The following SF3B1 variants were observed in gnomAD, a reference collection of about 807,000 sequenced individuals.
The protein encoded by SF3B1 is pre-mRNA processing 10.
SF3B1 carries 12 observed loss-of-function variants against 153.8 expected under a neutral mutation model. That is an observed-to-expected ratio of 0.08 (90% CI 0.05 to 0.13). The LOEUF is 0.13. Among genes scored for constraint, SF3B1 ranks in the 10% least tolerant of loss-of-function variants. The probability of loss-of-function intolerance (pLI) is 1.00; values close to 1 mark genes in which losing one functional copy is unlikely to be tolerated. For synonymous variants in SF3B1, 498 were observed against 525.2 expected (o/e 0.95, Z 0.71); for missense variants, 513 against 1,606.1 (o/e 0.32, Z 11.63).
intron 7 of SF3B1, 96 bp downstream of exon 7, chr2:197,409,674 T>A: frequency 1.1e-6 from 1 of 951,890 alleles, no homozygotes; most frequent in Non-Finnish European, 1.7e-6. Flanking sequence ...AGCTGGTTAT[T>A]TATACGTGTC....
Position 197,402,517 on chromosome 2 carries a change from A to C in SF3B1, c.2077+39T>G. 7 of 1,575,278 alleles carry C rather than the reference A, an allele frequency of 4.4e-6. No individual in the cohort carries two copies. Among genetic ancestry groups the C allele is most frequent in the Non-Finnish European group, 6.1e-6 (7 of 1,154,860 alleles). On this transcript the variant is annotated intron_variant, in intron 14 of 24. Coordinates refer to ENST00000335508, the MANE Select transcript of SF3B1 (RefSeq NM_012433.4). The surrounding 1 kb of genome is among the most constrained non-coding windows in gnomAD (Gnocchi z 4.6). The stretch of plus-strand genomic sequence containing the variant: ...CAACATAGTAAGACCCTGTCTCCTA[A>C]AGAAAAAAAAAAAAAGACAAAGTTA...
chr2:197,431,023 CAGA>C (rs1297941121), intron 1 of SF3B1, among the ~76,000 whole-genome samples: 2 of 151,616 alleles, frequency 1.3e-5, no homozygotes, highest in African/African-American at 4.8e-5. Flanking sequence ...TCACTGATAG[CAGA>C]AGGTCACATC....
chr2:197,416,370 G>A (rs1020738001), intron 6 of SF3B1, among the ~76,000 whole-genome samples: 15 of 152,236 alleles, frequency 9.9e-5, no homozygotes, highest in Middle Eastern at 3.4e-3. Context: ...GTATGTTGAA[G>A]TCCTAACCCC....
chr2:197,422,394 C>T (rs777403054), intron 2 of SF3B1, among the ~76,000 whole-genome samples: 3 of 140,046 alleles, frequency 2.1e-5, no homozygotes, highest in Non-Finnish European at 3.1e-5. Context: ...CATCACACAC[C>T]GGGGCTTGTC....
intron 23 of SF3B1, among the ~76,000 whole-genome samples, chr2:197,393,989 G>A (rs1392616053): frequency 2.0e-5 from 3 of 152,000 alleles, no homozygotes; most frequent in African/African-American, 7.2e-5. Flanking sequence ...GTCAAGACCA[G>A]CCTGGCCAGC....
rs554834439 is a variant in SF3B1, at chr2:197,401,222, C to T, written c.2496+178G>A. On this transcript the variant is annotated intron_variant, in intron 17 of 24. Coordinates refer to ENST00000335508, the MANE Select transcript of SF3B1 (RefSeq NM_012433.4). This position sits in a 1 kb window ranked among gnomAD's most constrained non-coding sequence, Gnocchi z 4.2. ...CAATTCACAGTTAAGTATTAATCCT[C>T]GAATCCAAAATCAAAATGGAAGTTA... 2.0e-5 allele frequency among the ~76,000 whole-genome samples: 3 copies of T among 152,202 alleles called. No individual in the cohort carries two copies. Among genetic ancestry groups the T allele is most frequent in the South Asian group, 4.1e-4 (2 of 4,820 alleles).
chr2:197,407,103 CAACAAAAAACATACTCATG>C (rs2085003475), intron 9 of SF3B1, among the ~76,000 whole-genome samples: 1 of 151,852 alleles, frequency 6.6e-6, no homozygotes, highest in South Asian at 2.1e-4. Context: ...CAAAACAAAA[CAACAAAAAACATACTCATG>C]AACTGTTAAA....
chr2:197,415,384 C>G (rs760514864), intron 6 of SF3B1, among the ~76,000 whole-genome samples: 22 of 151,946 alleles, frequency 1.4e-4, no homozygotes, highest in Non-Finnish European at 2.5e-4. Context: ...TCCCAAGTAG[C>G]TGGTACTACA....
At chr2:197,423,765 T>C in intron 2 of SF3B1, 43 bp downstream of exon 2, 1 of 1,586,786 alleles carries the variant, frequency 6.3e-7, no homozygotes, top group Non-Finnish European at 8.6e-7. Context: ...TTTCTTGCTC[T>C]CTCAAAAAAA....
In SF3B1 at chr2:197,402,250, CAA is replaced by C; in HGVS notation, c.2078-122_2078-121del. ...AACTGCAGAATATGTTCACATTAAA[CAA>C]AATTAGGTAAAAGCAAAACATGAAC... On this transcript the variant is annotated intron_variant, in intron 14 of 24. Transcript: ENST00000335508. This position sits in a 1 kb window ranked among gnomAD's most constrained non-coding sequence, Gnocchi z 4.6. 1 of 1,232,010 alleles carries C rather than the reference CAA, an allele frequency of 8.1e-7. No homozygotes were observed. Among genetic ancestry groups the C allele is most frequent in the Non-Finnish European group, 1.1e-6 (1 of 897,842 alleles). The allele number at this position is 1,232,010 out of a possible 1,614,324, so 76.3% of individuals were successfully genotyped here. A position where few individuals can be genotyped will look rare whatever the true frequency, so the allele number is the denominator to read the frequency against.
Position 197,434,709 on chromosome 2 carries a change from A to G in SF3B1, c.28+263T>C, listed in dbSNP as rs189196047. Reference sequence around the variant, plus strand: ...TCCTACTGAGGAAGCCGCTTAAACGAGGCCCTCTGGTCAGAGAAGAGAAGC... The same window carrying G: ...TCCTACTGAGGAAGCCGCTTAAACGGGGCCCTCTGGTCAGAGAAGAGAAGC... On this transcript the variant is annotated intron_variant, in intron 1 of 24. Coordinates refer to ENST00000335508, the MANE Select transcript of SF3B1 (RefSeq NM_012433.4). 4.6e-3 allele frequency among the ~76,000 whole-genome samples: 696 copies of G among 152,272 alleles called. 3 individuals carry two copies. Among genetic ancestry groups the G allele is most frequent in the Non-Finnish European group, 7.8e-3 (533 of 68,024 alleles).
chr2:197,428,621 C>T lies in SF3B1; in HGVS notation c.29-4647G>A, dbSNP rs533075355. 2.6e-5 allele frequency among the ~76,000 whole-genome samples: 4 copies of T among 152,190 alleles called. No homozygotes were observed. In the South Asian group the frequency reaches 8.3e-4, roughly 32 times the overall value. ...AAACTGCTTGGCAACTGGCTGAGCG[C>T]GGTGGCTCACGCCTGTAATCCCAGC... On this transcript the variant is annotated intron_variant, in intron 1 of 24. Coordinates refer to ENST00000335508, the MANE Select transcript of SF3B1 (RefSeq NM_012433.4).
intron 1 of SF3B1, among the ~76,000 whole-genome samples, chr2:197,430,837 G>A (rs1294185467): frequency 2.0e-5 from 3 of 152,054 alleles, no homozygotes; most frequent in Admixed American, 6.6e-5. Flanking sequence ...CTGCTCTGTT[G>A]CCCAGGCTGG....
At chr2:197,412,043 G>C (rs151190274) in intron 6 of SF3B1, among the ~76,000 whole-genome samples, 1 of 151,322 alleles carries the variant, frequency 6.6e-6, no homozygotes, top group African/African-American at 2.4e-5. Flanking sequence ...CCAGGAGGCG[G>C]AGGTTGCAAC....
intron 6 of SF3B1, among the ~76,000 whole-genome samples, chr2:197,416,133 T>TAA (rs200550226): frequency 2.1e-5 from 3 of 139,610 alleles, no homozygotes; most frequent in Admixed American, 7.1e-5. Flanking sequence ...AACAAATGTT[T>TAA]AAAAAAAAAA....
At position 197,411,369 on chromosome 2, in the gene SF3B1, T is replaced by A. The variant is rs113679694; in HGVS notation, c.667-1362A>T. Among the ~76,000 whole-genome samples the A allele has an allele frequency of 2.6e-4, 40 of 152,266 alleles. 2 individuals are homozygous for A. Among genetic ancestry groups the A allele is most frequent in the African/African-American group, 9.4e-4 (39 of 41,546 alleles). On this transcript the variant is annotated intron_variant, in intron 6 of 24. Transcript: ENST00000335508. Reference sequence around the variant, plus strand: ...AGGATGTGTAATGTACTTTATATATTTGTTTTAAAGTTGGGAGCTCTTGGC... The same window carrying A: ...AGGATGTGTAATGTACTTTATATATATGTTTTAAAGTTGGGAGCTCTTGGC...
intron 23 of SF3B1, among the ~76,000 whole-genome samples, chr2:197,395,316 T>C (rs1463921640): frequency 6.6e-6 from 1 of 152,212 alleles, no homozygotes; most frequent in Non-Finnish European, 1.5e-5. Flanking sequence ...ATATACGTTC[T>C]GGTAACTTGT....
chr2:197,403,225 T>C (rs765944052), intron 12 of SF3B1, among the ~76,000 whole-genome samples, 190 bp from the exon 13 acceptor site: 14 of 152,204 alleles, frequency 9.2e-5, no homozygotes, highest in Non-Finnish European at 8.8e-5. Flanking sequence ...AGAGAGCTAT[T>C]AGTGACACAC....
At chr2:197,423,176 C>T (rs2085275808) in intron 2 of SF3B1, among the ~76,000 whole-genome samples, 1 of 152,088 alleles carries the variant, frequency 6.6e-6, no homozygotes, top group African/African-American at 2.4e-5. Flanking sequence ...CACCTGAAGG[C>T]ATGAGTTCCA....
Sources: allele counts gnomAD v4.1 joint callset (sites outside exome capture counted in the v4.1 genomes callset), GRCh38; gene constraint gnomAD v4.1.1; non-coding constraint Gnocchi (gnomAD v3.1); transcripts MANE v1.5; gene names NCBI Gene and HGNC (gene_info 2026-07-23, HGNC 2026-07-21).